SPIN1: variants seen among roughly 807,000 people sequenced by gnomAD.
The protein encoded by SPIN1 is spindlin 1.
SPIN1 carries 3 observed loss-of-function variants against 26.0 expected under a neutral mutation model. The observed-to-expected ratio is 0.12, with a 90% CI of 0.05 to 0.30. The LOEUF (loss-of-function observed/expected upper bound fraction) is 0.30. Ranked by LOEUF, SPIN1 falls within the 10% of genes least tolerant of loss-of-function variation. SPIN1 has a pLI of 1.00. For synonymous variants in SPIN1, 101 were observed against 116.5 expected (o/e 0.87, Z 0.86); for missense variants, 126 against 333.4 (o/e 0.38, Z 4.84).
chr9:88,437,981 G>C (rs961571205), intron 2 of SPIN1, among the ~76,000 whole-genome samples: 2 of 151,750 alleles, frequency 1.3e-5, no homozygotes, highest in Non-Finnish European at 2.9e-5. Flanking sequence ...GTGAAACTTT[G>C]TCTCTACTAA....
chr9:88,412,744 C>T (rs536727475), intron 1 of SPIN1, among the ~76,000 whole-genome samples: 202 of 151,586 alleles, frequency 1.3e-3, no homozygotes, highest in African/African-American at 4.4e-3. Flanking sequence ...GTGCAGATGG[C>T]GCGGTCTCAG....
intron 2 of SPIN1, among the ~76,000 whole-genome samples, chr9:88,439,373 T>C (rs964640133): frequency 2.0e-5 from 3 of 152,236 alleles, no homozygotes; most frequent in South Asian, 4.1e-4. Flanking sequence ...CTTTGCTTTC[T>C]GATACTTCAA....
rs913277103 is a variant in SPIN1, at chr9:88,426,399, G to A, written c.-141G>A. ...TTTTACAGAGTGCTTGTGATTTCAC[G>A]TATTTTTGCTGAACTCGTAAAAGAG... On this transcript the variant is annotated 5_prime_UTR_variant, in exon 2 of 6. Coordinates refer to ENST00000375859, the MANE Select transcript of SPIN1 (RefSeq NM_006717.3). 4.8e-5 allele frequency: 29 copies of A among 603,712 alleles called. No homozygotes were observed. Among genetic ancestry groups the A allele is most frequent in the South Asian group, 1.9e-4 (9 of 46,578 alleles). 37.4% of individuals were successfully genotyped at this position (603,712 alleles called of 1,614,324 possible). A position where few individuals can be genotyped will look rare whatever the true frequency, so the allele number is the denominator to read the frequency against.
intron 3 of SPIN1, among the ~76,000 whole-genome samples, chr9:88,459,857 C>T (rs1342510594): frequency 1.3e-5 from 2 of 152,094 alleles, no homozygotes; most frequent in Admixed American, 6.6e-5. Flanking sequence ...GTCAGTGTAC[C>T]TTCTTGGCTG....
intron 1 of SPIN1, among the ~76,000 whole-genome samples, chr9:88,388,841 C>T (rs1826849153): frequency 6.6e-6 from 1 of 150,858 alleles, no homozygotes; most frequent in African/African-American, 2.4e-5. Context: ...TCCCCAGTTC[C>T]CCGGCCGCCG....
chr9:88,435,007 G>A (rs376001213), intron 2 of SPIN1, among the ~76,000 whole-genome samples: 1 of 148,436 alleles, frequency 6.7e-6, no homozygotes, highest in Non-Finnish European at 1.5e-5. Flanking sequence ...AGCCAAGATC[G>A]CACCACTGCA....
In SPIN1 at chr9:88,450,585, C is replaced by T. The variant is rs556961994; in HGVS notation, c.101+1596C>T. Among the ~76,000 whole-genome samples, 8 of 152,214 alleles carry T rather than the reference C, an allele frequency of 5.3e-5. No individual in the cohort carries two copies. In the South Asian group the frequency reaches 8.3e-4, roughly 16 times the overall value. ...GTTTGATTCCCTAAAGCATAAGAAA[C>T]GAAACACCTAAAGTTCGTATACATA... On this transcript the variant is annotated intron_variant, in intron 3 of 5. Transcript: ENST00000375859.
chr9:88,400,560 A>G (rs1213477340), intron 1 of SPIN1, among the ~76,000 whole-genome samples: 1 of 152,066 alleles, frequency 6.6e-6, no homozygotes, highest in Non-Finnish European at 1.5e-5. Context: ...GAGAGTCTAT[A>G]TTTGGCCTGG....
At position 88,411,354 on chromosome 9, in the gene SPIN1, A is replaced by T. The variant is rs1035117881; in HGVS notation, c.-158-15028A>T. The T allele has an allele frequency of 1.9e-6, 3 of 1,540,828 alleles. No homozygotes were observed. The African/African-American group carries it at 4.1e-5, about 21-fold the overall frequency. On this transcript the variant is annotated intron_variant, in intron 1 of 5. Transcript: ENST00000375859. ...ACCACACAGTCCGTGAGTGTCCCCC[A>T]TTGCTCAAAATGGCTCCTCAGGCTC...
intron 5 of SPIN1, among the ~76,000 whole-genome samples, chr9:88,471,235 T>A (rs796404668): frequency 1.6e-4 from 25 of 152,262 alleles, no homozygotes; most frequent in African/African-American, 6.0e-4. Flanking sequence ...TACTTAGAGA[T>A]CTTTGATGCA....
At chr9:88,471,293 A>AT (rs202076857) in intron 5 of SPIN1, among the ~76,000 whole-genome samples, 352 of 148,998 alleles carry the variant, frequency 2.4e-3, no homozygotes, top group Non-Finnish European at 3.9e-3. Context: ...GTCCAACTTC[A>AT]TTTTTTTTTG....
chr9:88,426,977 A>G (rs116143437), intron 2 of SPIN1, among the ~76,000 whole-genome samples: 3 of 152,178 alleles, frequency 2.0e-5, no homozygotes, highest in African/African-American at 7.2e-5. Flanking sequence ...TCTTGTGTTT[A>G]CTTGAAAGAA....
intron 1 of SPIN1, among the ~76,000 whole-genome samples, chr9:88,390,758 A>G (rs963128543): frequency 6.6e-6 from 1 of 152,204 alleles, no homozygotes; most frequent in Non-Finnish European, 1.5e-5. Flanking sequence ...TGGAATCACA[A>G]TGGCCTTCCA....
intron 1 of SPIN1, among the ~76,000 whole-genome samples, chr9:88,414,853 C>G (rs1445743381): frequency 2.0e-5 from 3 of 152,158 alleles, no homozygotes; most frequent in Admixed American, 6.5e-5. Flanking sequence ...CCACGTATTA[C>G]ACTTGTATTA....
intron 1 of SPIN1, among the ~76,000 whole-genome samples, chr9:88,397,965 A>G (rs1827101598): frequency 6.6e-6 from 1 of 151,554 alleles, no homozygotes; most frequent in Admixed American, 6.6e-5. Context: ...CCAGTTGCCT[A>G]GGCTGTAGTG....
intron 2 of SPIN1, among the ~76,000 whole-genome samples, chr9:88,427,658 T>G (rs1220224029): frequency 1.3e-5 from 2 of 152,086 alleles, no homozygotes; most frequent in Admixed American, 6.6e-5. Flanking sequence ...CAGGCGATCT[T>G]GGCTCCAGGT....
intron 4 of SPIN1, among the ~76,000 whole-genome samples, chr9:88,467,329 A>G (rs1828689093): frequency 6.6e-6 from 1 of 152,184 alleles, no homozygotes; most frequent in South Asian, 2.1e-4. Flanking sequence ...CAAGAAAGGG[A>G]AGGTCTCTGC....
At chr9:88,426,739 C>A in intron 2 of SPIN1, 148 bp downstream of exon 2, 1 of 529,738 alleles carries the variant, frequency 1.9e-6, no homozygotes, top group Non-Finnish European at 3.2e-6. Flanking sequence ...TATTAAGAAG[C>A]AGATTTAAGT....
intron 1 of SPIN1, among the ~76,000 whole-genome samples, chr9:88,414,118 G>C (rs1284164601): frequency 6.6e-6 from 1 of 152,124 alleles, no homozygotes; most frequent in Non-Finnish European, 1.5e-5. Flanking sequence ...AAGTGTTCAT[G>C]CCCTCCTGTG....
Sources: gnomAD v4.1 joint callset for allele counts (sites outside exome capture counted in the v4.1 genomes callset) on GRCh38, gnomAD v4.1.1 for gene constraint, MANE v1.5 for transcripts, NCBI Gene and HGNC (gene_info 2026-07-23, HGNC 2026-07-21) for gene names.